Variants in PDE3B observed in about 807,000 individuals in gnomAD.
The protein encoded by PDE3B is phosphodiesterase 3B.
Under a neutral mutation model 116.8 loss-of-function variants are expected in PDE3B, and 66 were observed. The ratio of observed to expected loss-of-function variants is 0.56; its 90% CI spans 0.46 to 0.69. The LOEUF (loss-of-function observed/expected upper bound fraction) is 0.69. PDE3B is among the 30% of genes least tolerant of loss of function. The pLI is 0.00. For synonymous variants in PDE3B, 595 were observed against 533.6 expected (o/e 1.12, Z -1.59); for missense variants, 1,384 against 1,368.1 (o/e 1.01, Z -0.18).
the PDE3B span, chr11:14,880,581 A>G: frequency 1.2e-6 from 2 of 1,613,294 alleles, no homozygotes; most frequent in Non-Finnish European, 8.5e-7. Flanking sequence ...TTGAAACAGC[A>G]TTCGTTATTA....
Position 14,644,838 on chromosome 11 carries a change from G to T in PDE3B, c.763G>T (p.Ala255Ser), listed in dbSNP as rs767937205. 3 of 1,611,788 alleles carry T rather than the reference G, an allele frequency of 1.9e-6. No homozygotes were observed. Among genetic ancestry groups the T allele is most frequent in the South Asian group, 1.1e-5 (1 of 90,890 alleles). The change falls in exon 1 of 16, where the codon GCT (alanine) becomes TCT (serine). Residue 255 changes from alanine (A) to serine (S), a missense_variant. Transcript: ENST00000282096. ...RPLLSGLVGGAGCLLALGLDH... is the reference protein window; with the variant it reads ...RPLLSGLVGGSGCLLALGLDH... ...GCTGCTCTCCGGCCTGGTGGGGGGC[G>T]CTGGCTGCCTGCTGGCCCTGGGGTT...
intron 13 of PDE3B, 62 bp from the exon 14 acceptor site, chr11:14,861,143 A>T: frequency 7.5e-7 from 1 of 1,332,822 alleles, no homozygotes. Context: ...GTAAAAGCAA[A>T]CAAAACAACA....
intron 1 of PDE3B, among the ~76,000 whole-genome samples, chr11:14,708,661 A>C (rs1286257159): frequency 6.6e-6 from 1 of 152,098 alleles, no homozygotes; most frequent in Non-Finnish European, 1.5e-5. Flanking sequence ...GTCGATAACT[A>C]TAGTGTGGTT....
At chr11:14,849,783 G>A (rs78336545) in intron 12 of PDE3B, among the ~76,000 whole-genome samples, 27 of 152,156 alleles carry the variant, frequency 1.8e-4, no homozygotes, top group African/African-American at 3.1e-4. Context: ...CAGAACCACA[G>A]TGAGATACCA....
At chr11:14,666,855 C>T (rs574443466) in intron 1 of PDE3B, among the ~76,000 whole-genome samples, 1 of 152,198 alleles carries the variant, frequency 6.6e-6, no homozygotes, top group South Asian at 2.1e-4. Context: ...ACTAGTTCGA[C>T]CATTGTGGAA....
chr11:14,880,040 T>C, the PDE3B span: 2 of 1,264,022 alleles, frequency 1.6e-6, no homozygotes, highest in South Asian at 2.7e-5. Context: ...TCGCAGGAGT[T>C]CCTAAAGAAA....
At chr11:14,848,671 C>G (rs942091215) in intron 12 of PDE3B, among the ~76,000 whole-genome samples, 1 of 152,196 alleles carries the variant, frequency 6.6e-6, no homozygotes, top group Admixed American at 6.5e-5. Flanking sequence ...GTACAGAAAT[C>G]ACAAGCATTC....
chr11:14,781,399 C>G (rs937909348), intron 2 of PDE3B, among the ~76,000 whole-genome samples: 3 of 152,152 alleles, frequency 2.0e-5, no homozygotes, highest in African/African-American at 4.8e-5. Flanking sequence ...AACATCGATG[C>G]AAAAATCCTG....
intron 5 of PDE3B, among the ~76,000 whole-genome samples, chr11:14,816,127 C>G (rs1452109266): frequency 6.6e-6 from 1 of 152,078 alleles, no homozygotes; most frequent in Non-Finnish European, 1.5e-5. Flanking sequence ...AAAATTTTTT[C>G]CTCTTTATGA....
intron 1 of PDE3B, among the ~76,000 whole-genome samples, chr11:14,684,930 G>A (rs553678713): frequency 6.6e-6 from 1 of 151,668 alleles, no homozygotes; most frequent in African/African-American, 2.4e-5. Flanking sequence ...TTTTCAAGGT[G>A]CACTGATTTC....
intron 1 of PDE3B, among the ~76,000 whole-genome samples, chr11:14,758,161 A>T (rs894275121): frequency 1.2e-4 from 18 of 152,246 alleles, no homozygotes; most frequent in African/African-American, 4.1e-4. Flanking sequence ...CCATTGATCT[A>T]TATCTCTGAT....
intron 1 of PDE3B, among the ~76,000 whole-genome samples, chr11:14,701,101 G>A (rs1373920505): frequency 2.6e-5 from 4 of 151,462 alleles, no homozygotes; most frequent in African/African-American, 7.3e-5. Context: ...AACATATAGC[G>A]CTTAATATTC....
At chr11:14,845,515 A>G (rs1387354445) in intron 12 of PDE3B, among the ~76,000 whole-genome samples, 1 of 152,236 alleles carries the variant, frequency 6.6e-6, no homozygotes, top group Non-Finnish European at 1.5e-5. Context: ...TTGAGAGAAG[A>G]AGGCTTCAGA....
intron 4 of PDE3B, among the ~76,000 whole-genome samples, chr11:14,795,490 G>A (rs1858525161): frequency 6.6e-6 from 1 of 152,090 alleles, no homozygotes; most frequent in Admixed American, 6.6e-5. Flanking sequence ...TCTGGTGCTG[G>A]GCCAGGACAT....
At chr11:14,718,464 A>G (rs1446571778) in intron 1 of PDE3B, among the ~76,000 whole-genome samples, 1 of 148,598 alleles carries the variant, frequency 6.7e-6, no homozygotes, top group African/African-American at 2.5e-5. Context: ...TCAACAGAAT[A>G]TACGTTTTTT....
intron 1 of PDE3B, among the ~76,000 whole-genome samples, chr11:14,701,680 C>T (rs890686950): frequency 2.0e-5 from 3 of 151,664 alleles, no homozygotes; most frequent in Non-Finnish European, 4.4e-5. Flanking sequence ...TGCCTCTCTC[C>T]ATTCTTTCTC....
chr11:14,773,845 A>G (rs1429383079), intron 2 of PDE3B: 1 of 152,166 alleles, frequency 6.6e-6, no homozygotes, highest in Non-Finnish European at 1.5e-5. Context: ...GCCACTGTTT[A>G]TAAATTGGCA....
rs117791167 is a variant in PDE3B, at chr11:14,688,458, A to G, written c.978+43405A>G. 1.6e-3 allele frequency among the ~76,000 whole-genome samples: 243 copies of G among 152,208 alleles called. 7 individuals carry two copies. The East Asian group carries it at 0.04, about 25-fold the overall frequency. On this transcript the variant is annotated intron_variant, in intron 1 of 15. Coordinates refer to ENST00000282096, the MANE Select transcript of PDE3B (RefSeq NM_000922.4). ...ATTTGCTTGGGAACTCTTGTTTAGTAGTGTGTTTACAATGAGGCCTTTCAG... is the reference window on the plus strand; with the variant it reads ...ATTTGCTTGGGAACTCTTGTTTAGTGGTGTGTTTACAATGAGGCCTTTCAG...
chr11:14,706,467 C>A (rs1478543818), intron 1 of PDE3B, among the ~76,000 whole-genome samples: 1 of 151,714 alleles, frequency 6.6e-6, no homozygotes, highest in Non-Finnish European at 1.5e-5. Flanking sequence ...TGTAAGACAA[C>A]AATAATATGT....
Sources: allele counts gnomAD v4.1 joint callset (sites outside exome capture counted in the v4.1 genomes callset), GRCh38; gene constraint gnomAD v4.1.1; transcripts MANE v1.5; gene names NCBI Gene and HGNC (gene_info 2026-07-23, HGNC 2026-07-21).